The following ZNF490 variants were observed in gnomAD, a reference collection of about 807,000 sequenced individuals.
The protein encoded by ZNF490 is zinc finger protein 490.
Under a neutral mutation model 17.7 loss-of-function variants are expected in ZNF490, and 11 were observed. The observed-to-expected ratio is 0.62, with a 90% confidence interval of 0.39 to 1.03. The LOEUF (loss-of-function observed/expected upper bound fraction) is 1.03, where lower values mean the gene tolerates loss of function less well. Among genes scored for constraint, ZNF490 ranks in the 50% least tolerant of loss-of-function variants. ZNF490 has a pLI of 0.00. For synonymous variants in ZNF490, 222 were observed against 216.1 expected (o/e 1.03, Z -0.24); for missense variants, 542 against 643.4 (o/e 0.84, Z 1.71).
intron 2 of ZNF490, among the ~76,000 whole-genome samples, chr19:12,604,496 A>G (rs1348670588): frequency 6.6e-6 from 1 of 152,000 alleles, no homozygotes; most frequent in African/African-American, 2.4e-5. Flanking sequence ...CTAAAAACAT[A>G]GACACACAGA....
rs572195598 is a variant in ZNF490, at chr19:12,605,449, C to T, written c.162+3709G>A. Among the ~76,000 whole-genome samples, 10 of 151,672 alleles carry T rather than the reference C, an allele frequency of 6.6e-5. No individual in the cohort carries two copies. The South Asian group carries it at 1.9e-3, about 28-fold the overall frequency. ...TGAGCTATGATCCTGCCACTGCACT[C>T]CAGCCTGGGAGACAGAGTGAAACCC... On this transcript the variant is annotated intron_variant, in intron 2 of 4. Transcript: ENST00000311437.
chr19:12,585,215 C>T lies in ZNF490; in HGVS notation c.163-1659G>A, dbSNP rs1028259988. Among the ~76,000 whole-genome samples, 8 of 93,906 alleles carry T rather than the reference C, an allele frequency of 8.5e-5. 1 individual carries two copies. The highest frequency in any genetic ancestry group is 2.6e-4 in the African/African-American group (8 of 31,308). The allele number at this position is 93,906 out of a possible 152,430, so 61.6% of individuals were successfully genotyped here. Reference sequence around the variant, plus strand: ...CTACCACGTCCATATGTGGGGTACACAGTGGAAACTGAGGAATGAGGTTTT... The same window carrying T: ...CTACCACGTCCATATGTGGGGTACATAGTGGAAACTGAGGAATGAGGTTTT... On this transcript the variant is annotated intron_variant, in intron 2 of 4. Transcript: ENST00000311437.
chr19:12,578,573 T>G lies in ZNF490; in HGVS notation c.*1912A>C, dbSNP rs896743218. On this transcript the variant is annotated 3_prime_UTR_variant, in exon 5 of 5. Coordinates refer to ENST00000311437, the MANE Select transcript of ZNF490 (RefSeq NM_020714.3). ...TCAAAACAGCCCTGGAATAATGCAA[T>G]GCTGACAATGTCTGTGAATTAGGAT... 10 of 985,352 alleles carry G rather than the reference T, an allele frequency of 1.0e-5. No homozygotes were observed. Among genetic ancestry groups the G allele is most frequent in the African/African-American group, 1.7e-5 (1 of 57,250 alleles). 61.0% of individuals were successfully genotyped at this position (985,352 alleles called of 1,614,324 possible). A position where few individuals can be genotyped will look rare whatever the true frequency, so the allele number is the denominator to read the frequency against.
Position 12,581,687 on chromosome 19 carries a change from C to G in ZNF490, c.388G>C (p.Asp130His), listed in dbSNP as rs757385492. The stretch of plus-strand genomic sequence containing the variant: ...CTAGTGCTTTTTCCACATGGACAAT[C>G]TTCTTTATTTTCACAGAGTGCTTCA... Reference protein sequence around the residue: ...MVEALCENKEDCPCGKSTSQI... With the variant: ...MVEALCENKEHCPCGKSTSQI... The change falls in exon 5 of 5, where the codon GAT becomes CAT. Residue 130 changes from aspartate (D) to histidine (H), a missense_variant. Transcript: ENST00000311437. The G allele has an allele frequency of 6.8e-5, 109 of 1,613,504 alleles. No homozygotes were observed. Among genetic ancestry groups the G allele is most frequent in the Non-Finnish European group, 8.6e-5 (102 of 1,179,654 alleles).
chr19:12,583,807 A>ATTTTT (rs1568278640), intron 2 of ZNF490, among the ~76,000 whole-genome samples: 1 of 112,412 alleles, frequency 8.9e-6, no homozygotes, highest in African/African-American at 3.7e-5. Flanking sequence ...ATATATATAT[A>ATTTTT]TATATTTTTT....
At chr19:12,598,496 TC>T (rs1291317689) in intron 2 of ZNF490, among the ~76,000 whole-genome samples, 3 of 150,572 alleles carry the variant, frequency 2.0e-5, no homozygotes, top group African/African-American at 7.3e-5. Flanking sequence ...CGCCTCAGCC[TC>T]CCGAGTAGCT....
rs1222481924 is a variant in ZNF490, at chr19:12,581,053, C to T, written c.1022G>A (p.Arg341Lys). The change falls in exon 5 of 5, where the codon AGA becomes AAA. Residue 341 changes from arginine (R) to lysine (K), a missense_variant. By Grantham distance (26) the Arg-to-Lys change is conservative. Transcript: ENST00000311437. ...EKPFVCRECGRAFFSHSSLRK... is the reference protein window; with the variant it reads ...EKPFVCRECGKAFFSHSSLRK... ...AAGGCTTGAGTGAGAAAAGAAGGCT[C>T]TCCCACATTCCCTACATACAAAAGG... 2 of 1,613,884 alleles carry T rather than the reference C, an allele frequency of 1.2e-6. No homozygotes were observed. The highest frequency in any genetic ancestry group is 1.3e-5 in the African/African-American group (1 of 75,018).
intron 2 of ZNF490, among the ~76,000 whole-genome samples, chr19:12,595,102 C>T (rs1412485577): frequency 1.3e-5 from 2 of 151,734 alleles, no homozygotes; most frequent in African/African-American, 4.8e-5. Flanking sequence ...GAACTAATGT[C>T]GGAGAGGCCT....
At chr19:12,595,639 A>C (rs573546924) in intron 2 of ZNF490, among the ~76,000 whole-genome samples, 23 of 152,214 alleles carry the variant, frequency 1.5e-4, no homozygotes, top group African/African-American at 5.5e-4. Context: ...GGCCTCACCC[A>C]TGGAACTGGT....
intron 2 of ZNF490, 86 bp from the exon 3 acceptor site, chr19:12,583,642 T>C (rs2022768972): frequency 9.3e-6 from 13 of 1,402,348 alleles, no homozygotes; most frequent in South Asian, 2.8e-5. Context: ...AGAAATTCCA[T>C]ATAATCCTGT....
intron 1 of ZNF490, among the ~76,000 whole-genome samples, 188 bp from the exon 2 acceptor site, chr19:12,609,390 C>T (rs953746972): frequency 1.3e-5 from 2 of 152,026 alleles, no homozygotes; most frequent in Non-Finnish European, 2.9e-5. Context: ...AAATATGTTT[C>T]TACTTTAAAA....
At position 12,580,757 on chromosome 19, in the gene ZNF490, G is replaced by A; in HGVS notation, c.1318C>T (p.His440Tyr). 1 of 1,614,126 alleles carries A rather than the reference G, an allele frequency of 6.2e-7. No homozygotes were observed. The highest frequency in any genetic ancestry group is 8.5e-7 in the Non-Finnish European group (1 of 1,180,036). The part of the protein sequence containing the change: ...STHFRIHERT[H>Y]TREKPYECKQ... ...CATTCATAGGGTTTCTCTCTAGTATGGGTTCTTTCATGGATTCGAAAGTGA... is the reference window on the plus strand; with the variant it reads ...CATTCATAGGGTTTCTCTCTAGTATAGGTTCTTTCATGGATTCGAAAGTGA... The change falls in exon 5 of 5, where the codon CAT becomes TAT. Residue 440 changes from histidine to tyrosine, a missense_variant. Physicochemically the swap from His to Tyr is moderately conservative, Grantham distance 83 (BLOSUM62 2). Coordinates refer to ENST00000311437, the MANE Select transcript of ZNF490 (RefSeq NM_020714.3).
At chr19:12,593,811 G>A (rs1023025814) in intron 2 of ZNF490, among the ~76,000 whole-genome samples, 8 of 152,154 alleles carry the variant, frequency 5.3e-5, no homozygotes, top group Non-Finnish European at 8.8e-5. Flanking sequence ...AAAGGATCTA[G>A]GAGAAGGTAG....
chr19:12,580,472 A>G lies in ZNF490; in HGVS notation c.*13T>C, dbSNP rs910415630. 12 of 1,564,624 alleles carry G rather than the reference A, an allele frequency of 7.7e-6. No individual in the cohort carries two copies. The highest frequency in any genetic ancestry group is 1.7e-4 in the Middle Eastern group (1 of 5,788). On this transcript the variant is annotated 3_prime_UTR_variant, in exon 5 of 5. Transcript: ENST00000311437. ...AACTAATACAACTGACAGCATTACC[A>G]CACTTTACTTTCTTAGGGCTTCTGT... is the stretch of plus-strand genomic sequence containing the variant.
At chr19:12,605,139 G>T (rs2023052844) in intron 2 of ZNF490, among the ~76,000 whole-genome samples, 1 of 151,948 alleles carries the variant, frequency 6.6e-6, no homozygotes, top group African/African-American at 2.4e-5. Flanking sequence ...GCAACAGAGT[G>T]AGACCCTGTC....
chr19:12,581,667 G>A lies in ZNF490; in HGVS notation c.408C>T (p.Ser136=), dbSNP rs1254453393. Residue 136 remains serine (S), a synonymous_variant, in exon 5 of 5, where the codon AGC becomes AGT. Transcript: ENST00000311437. ...ENKEDCPCGK[S]TSQIPDLNTN... ...TATTAAGATCAGGAATCTGGCTAGT[G>A]CTTTTTCCACATGGACAATCTTCTT... 2 of 1,614,054 alleles carry A rather than the reference G, an allele frequency of 1.2e-6. No individual in the cohort carries two copies. Among genetic ancestry groups the A allele is most frequent in the South Asian group, 2.2e-5 (2 of 91,082 alleles).
intron 2 of ZNF490, among the ~76,000 whole-genome samples, chr19:12,587,954 C>T (rs1368396100): frequency 2.1e-5 from 2 of 94,610 alleles, no homozygotes; most frequent in African/African-American, 6.3e-5. Context: ...GCTACAACCT[C>T]CGCCTCCCAG....
At chr19:12,583,756 G>GCTCTCT (rs1195574032) in intron 2 of ZNF490, among the ~76,000 whole-genome samples, 200 bp from the exon 3 acceptor site, 748 of 29,496 alleles carry the variant, frequency 0.025, 5 homozygotes, top group East Asian at 0.056. Flanking sequence ...AAATTATTGC[G>GCTCTCT]CTCTCTCTCT....
chr19:12,590,763 T>G (rs28368916), intron 2 of ZNF490, among the ~76,000 whole-genome samples: 87,496 of 151,786 alleles, frequency 0.58, 26,380 homozygotes, highest in Non-Finnish European at 0.68. Context: ...CACACAAATA[T>G]AGTCAACTGA....
Sources: allele counts gnomAD v4.1 joint callset (sites outside exome capture counted in the v4.1 genomes callset), GRCh38; gene constraint gnomAD v4.1.1; transcripts MANE v1.5; gene names NCBI Gene and HGNC (gene_info 2026-07-23, HGNC 2026-07-21).